The following PHACTR2 variants were observed in gnomAD, a reference collection of about 807,000 sequenced individuals.
The protein encoded by PHACTR2 is phosphatase and actin regulator 2, also known as chromosome 6 open reading frame 56.
PHACTR2 carries 30 observed loss-of-function variants against 76.0 expected under a neutral mutation model. The observed-to-expected ratio is 0.39, with a 90% confidence interval of 0.30 to 0.54. The LOEUF is 0.54. Ranked by LOEUF, PHACTR2 falls within the 20% of genes least tolerant of loss-of-function variation. The probability of loss-of-function intolerance (pLI) is 0.61; values close to 1 mark genes in which losing one functional copy is unlikely to be tolerated. For synonymous variants in PHACTR2, 292 were observed against 292.5 expected (o/e 1.00, Z 0.02); for missense variants, 696 against 781.1 (o/e 0.89, Z 1.30).
Position 143,816,597 on chromosome 6 carries a change from G to A in PHACTR2, c.1923-7077G>A, listed in dbSNP as rs1405486137. Among the ~76,000 whole-genome samples the A allele has an allele frequency of 1.4e-5, 2 of 141,518 alleles. No individual in the cohort carries two copies. Among genetic ancestry groups the A allele is most frequent in the African/African-American group, 2.4e-5 (1 of 40,900 alleles). 92.8% of individuals were successfully genotyped at this position (141,518 alleles called of 152,430 possible). A position where few individuals can be genotyped will look rare whatever the true frequency, so the allele number is the denominator to read the frequency against. ...CTTCTTTTCCTAGCCAGCCCTTGAA[G>A]CTGTGTTGGTGGCCTGTGACCTTCC... On this transcript the variant is annotated intron_variant, in intron 12 of 12. Coordinates refer to ENST00000440869, the MANE Select transcript of PHACTR2 (RefSeq NM_001100164.2). This position sits in a 1 kb window ranked among gnomAD's most constrained non-coding sequence, Gnocchi z 4.5.
chr6:143,745,457 T>C (rs1032923244), intron 2 of PHACTR2, among the ~76,000 whole-genome samples: 1 of 152,210 alleles, frequency 6.6e-6, no homozygotes, highest in African/African-American at 2.4e-5. Context: ...TTTAAGCAGG[T>C]GAGCACATCT....
In PHACTR2 at chr6:143,803,811, G is replaced by T. The variant is rs1228110179; in HGVS notation, c.1846-3246G>T. ...TGCTATAAATAGAATGATGTCTTTT[G>T]TTTCCAAAGTCGATATACTAGAGCG... On this transcript the variant is annotated intron_variant, in intron 11 of 12. Coordinates refer to ENST00000440869, the MANE Select transcript of PHACTR2 (RefSeq NM_001100164.2). This position sits in a 1 kb window ranked among gnomAD's most constrained non-coding sequence, Gnocchi z 4.7. Among the ~76,000 whole-genome samples, 1 of 152,138 alleles carries T rather than the reference G, an allele frequency of 6.6e-6. No individual in the cohort carries two copies. Among genetic ancestry groups the T allele is most frequent in the Non-Finnish European group, 1.5e-5 (1 of 68,018 alleles).
rs1777808832 is a variant in PHACTR2 at position 143,697,912 on chromosome 6, A to C, written c.47-14104A>C. ...TGGGACTCCTAATCTAGTGGTGAGA[A>C]GTATTATTTTTTCTTGCTTCTCAGA... On this transcript the variant is annotated intron_variant, in intron 1 of 12. Coordinates refer to ENST00000440869, the MANE Select transcript of PHACTR2 (RefSeq NM_001100164.2). This position sits in a 1 kb window ranked among gnomAD's most constrained non-coding sequence, Gnocchi z 4.4. 6.6e-6 allele frequency among the ~76,000 whole-genome samples: 1 copy of C among 152,170 alleles called. No individual in the cohort carries two copies.
At chr6:143,814,709 T>C (rs1198498605) in intron 12 of PHACTR2, among the ~76,000 whole-genome samples, 1 of 151,050 alleles carries the variant, frequency 6.6e-6, no homozygotes, top group African/African-American at 2.4e-5. Context: ...TTCACGCCAT[T>C]CTCCTGCCTC....
intron 2 of PHACTR2, among the ~76,000 whole-genome samples, chr6:143,748,356 G>A (rs905886558): frequency 5.9e-5 from 9 of 152,200 alleles, no homozygotes; most frequent in Non-Finnish European, 1.2e-4. Flanking sequence ...ATGAGCCACC[G>A]TTCCTGGCTG....
chr6:143,754,440 T>C lies in PHACTR2; in HGVS notation c.454+528T>C, dbSNP rs1779254885. Among the ~76,000 whole-genome samples the C allele has an allele frequency of 6.6e-6, 1 of 152,226 alleles. No homozygotes were observed. Among genetic ancestry groups the C allele is most frequent in the Admixed American group, 6.5e-5 (1 of 15,290 alleles). On this transcript the variant is annotated intron_variant, in intron 4 of 12. Transcript: ENST00000440869. This position sits in a 1 kb window ranked among gnomAD's most constrained non-coding sequence, Gnocchi z 6.2. ...GAGACCCAGGAATAGCTCCCAGAGA[T>C]GCCACGGACTGTGGTTGCTCTGCTG...
Position 143,648,784 on chromosome 6 carries a change from G to T in PHACTR2, c.13+40462G>T, listed in dbSNP as rs756611100. Among the ~76,000 whole-genome samples the T allele has an allele frequency of 2.0e-4, 31 of 151,960 alleles. No homozygotes were observed. The highest frequency in any genetic ancestry group is 4.1e-4 in the Non-Finnish European group (28 of 67,960). ...TGTCTCTGTGTGTGTGTGGGCATGT[G>T]TCTCTGTGTGTGTCTGTGTATGTCT... On this transcript the variant is annotated intron_variant, in intron 1 of 11. Coordinates refer to the PHACTR2 transcript ENST00000305766. The surrounding 1 kb of genome is among the most constrained non-coding windows in gnomAD (Gnocchi z 6.7).
At chr6:143,736,420 T>G (rs1325744085) in intron 2 of PHACTR2, among the ~76,000 whole-genome samples, 4 of 152,010 alleles carry the variant, frequency 2.6e-5, no homozygotes, top group Admixed American at 6.6e-5. Context: ...GCCTTCTAGG[T>G]CAATAAGCAT....
chr6:143,614,377 A>G (rs190384056), intron 1 of PHACTR2, among the ~76,000 whole-genome samples: 27 of 152,308 alleles, frequency 1.8e-4, no homozygotes, highest in Admixed American at 3.3e-4. Context: ...GATAACTCCA[A>G]TTTGGAATGC....
At chr6:143,665,377 A>T (rs957127584) in intron 1 of PHACTR2, among the ~76,000 whole-genome samples, 3 of 152,020 alleles carry the variant, frequency 2.0e-5, no homozygotes, top group African/African-American at 7.2e-5. Context: ...GTATACATTG[A>T]TTTGTTCTTT....
intron 10 of PHACTR2, among the ~76,000 whole-genome samples, chr6:143,786,889 G>A (rs139607404): frequency 6.6e-6 from 1 of 152,340 alleles, no homozygotes; most frequent in East Asian, 1.9e-4. Context: ...AGATTTGGGT[G>A]AGGACACCGC....
rs1341171707 is a variant in PHACTR2, at chr6:143,733,069, A to T, written c.215-15916A>T. Among the ~76,000 whole-genome samples, 1 of 151,922 alleles carries T rather than the reference A, an allele frequency of 6.6e-6. No individual in the cohort carries two copies. The highest frequency in any genetic ancestry group is 1.9e-4 in the East Asian group (1 of 5,180). ...AACACCCAACTTAATTTTAAAAAAA[A>T]ATTTTTTTTCATAGAGATGGAGGCT... On this transcript the variant is annotated intron_variant, in intron 2 of 12. Coordinates refer to ENST00000440869, the MANE Select transcript of PHACTR2 (RefSeq NM_001100164.2). This position sits in a 1 kb window ranked among gnomAD's most constrained non-coding sequence, Gnocchi z 4.0.
chr6:143,773,108 G>C lies in PHACTR2; in HGVS notation c.1432+651G>C, dbSNP rs7738683. Among the ~76,000 whole-genome samples the C allele has an allele frequency of 4.1e-3, 624 of 152,264 alleles. 2 individuals carry two copies. Among genetic ancestry groups the C allele is most frequent in the African/African-American group, 0.015 (612 of 41,534 alleles). ...CACGCCTGTAATTCCAGCTGCTCGG[G>C]AGGCTGAGGCAGGAGAATCGCTTGA... On this transcript the variant is annotated intron_variant, in intron 7 of 12. Coordinates refer to ENST00000440869, the MANE Select transcript of PHACTR2 (RefSeq NM_001100164.2).
chr6:143,830,684 A>C lies in PHACTR2; in HGVS notation c.*6995A>C, dbSNP rs949903981. 1 of 152,170 alleles carries C rather than the reference A, an allele frequency of 6.6e-6. No homozygotes were observed. The highest frequency in any genetic ancestry group is 2.4e-5 in the African/African-American group (1 of 41,446). 9.4% of individuals were successfully genotyped at this position (152,170 alleles called of 1,614,324 possible). ...TATTTAAAAAGCAAAATTCTGCTCT[A>C]TTTAGTTGTATAATATTAGAGGATA... On this transcript the variant is annotated 3_prime_UTR_variant, in exon 13 of 13. Transcript: ENST00000440869.
intron 1 of PHACTR2, among the ~76,000 whole-genome samples, chr6:143,705,469 T>C (rs1205756844): frequency 6.6e-6 from 1 of 151,996 alleles, no homozygotes; most frequent in Non-Finnish European, 1.5e-5. Context: ...CAATTTTTTG[T>C]ATTTTTAGTA....
At chr6:143,814,881 C>T (rs1390648714) in intron 12 of PHACTR2, among the ~76,000 whole-genome samples, 4 of 152,100 alleles carry the variant, frequency 2.6e-5, no homozygotes, top group Admixed American at 6.5e-5. Context: ...GGATTACAGG[C>T]GTGAGCCACC....
At chr6:143,669,497 A>T (rs1224658612) in intron 1 of PHACTR2, among the ~76,000 whole-genome samples, 1 of 152,066 alleles carries the variant, frequency 6.6e-6, no homozygotes, top group Non-Finnish European at 1.5e-5. Flanking sequence ...CTATTATTGC[A>T]TGGGAGTCTA....
chr6:143,729,369 C>G (rs1778651904), intron 2 of PHACTR2, among the ~76,000 whole-genome samples: 1 of 152,104 alleles, frequency 6.6e-6, no homozygotes, highest in Admixed American at 6.5e-5. Flanking sequence ...GTATCAGCTT[C>G]TTTTAAAATA....
chr6:143,545,912 G>C (rs192000928), intron 1 of PHACTR2, among the ~76,000 whole-genome samples: 1 of 152,312 alleles, frequency 6.6e-6, no homozygotes, highest in African/African-American at 2.4e-5. Flanking sequence ...GAACAAATTT[G>C]ACTTACTCGT....
Sources: gnomAD v4.1 joint callset for allele counts (sites outside exome capture counted in the v4.1 genomes callset) on GRCh38, gnomAD v4.1.1 for gene constraint, Gnocchi (gnomAD v3.1) non-coding constraint, MANE v1.5 for transcripts, NCBI Gene and HGNC (gene_info 2026-07-23, HGNC 2026-07-21) for gene names.